ACAP2: variants seen among roughly 807,000 people sequenced by gnomAD.
The protein encoded by ACAP2 is arf-GAP with coiled-coil, ANK repeat and PH domain-containing protein 2.
ACAP2 carries 39 observed loss-of-function variants against 115.8 expected under a neutral mutation model. That is an observed-to-expected ratio of 0.34 (90% confidence interval 0.26 to 0.44). The LOEUF (loss-of-function observed/expected upper bound fraction) is 0.44, where lower values mean the gene tolerates loss of function less well. ACAP2 is among the 20% of genes least tolerant of loss of function. ACAP2 has a pLI of 1.00. For synonymous variants in ACAP2, 289 were observed against 315.8 expected (o/e 0.92, Z 0.90); for missense variants, 662 against 927.6 (o/e 0.71, Z 3.72).
At chr3:195,306,233 A>G (rs1427613148) in intron 13 of ACAP2, among the ~76,000 whole-genome samples, 1 of 152,194 alleles carries the variant, frequency 6.6e-6, no homozygotes, top group Non-Finnish European at 1.5e-5. Context: ...AAATGGCACA[A>G]TACTTTTGGG....
chr3:195,337,446 C>CT (rs11411412), intron 6 of ACAP2, among the ~76,000 whole-genome samples: 103,190 of 131,436 alleles, frequency 0.79, 41,051 homozygotes, highest in Middle Eastern at 0.86. Context: ...AACCAGTCAT[C>CT]TTTTTTTTTT....
chr3:195,299,645 T>C (rs1727898081), intron 15 of ACAP2, among the ~76,000 whole-genome samples: 1 of 151,982 alleles, frequency 6.6e-6, no homozygotes, highest in Non-Finnish European at 1.5e-5. Flanking sequence ...GAGACCAACC[T>C]GGCTAAGACG....
chr3:195,422,555 C>T (rs1442013211), intron 1 of ACAP2, among the ~76,000 whole-genome samples: 3 of 152,068 alleles, frequency 2.0e-5, no homozygotes, highest in Non-Finnish European at 4.4e-5. Context: ...TCGATCATAG[C>T]TCACTGCAGC....
chr3:195,396,007 T>C lies in ACAP2; in HGVS notation c.54-3860A>G, dbSNP rs1292058797. Among the ~76,000 whole-genome samples the C allele has an allele frequency of 2.6e-5, 4 of 152,040 alleles. No individual in the cohort carries two copies. The East Asian group carries it at 5.8e-4, about 22-fold the overall frequency. On this transcript the variant is annotated intron_variant, in intron 1 of 22. Transcript: ENST00000326793. Reference sequence around the variant, plus strand: ...GGCTCATGCCTGTAATCCCAGCACTTTGGGAGGCTGAAGTGGGTGGATCAC... The same window carrying C: ...GGCTCATGCCTGTAATCCCAGCACTCTGGGAGGCTGAAGTGGGTGGATCAC...
At chr3:195,442,717 G>A in intron 1 of ACAP2, 78 bp downstream of exon 1, 2 of 1,454,622 alleles carry the variant, frequency 1.4e-6, no homozygotes, top group Non-Finnish European at 1.8e-6. Flanking sequence ...GCCTCCTCCG[G>A]GTGCGCGGGC....
At chr3:195,416,294 C>CA (rs1225975258) in intron 1 of ACAP2, among the ~76,000 whole-genome samples, 4 of 150,298 alleles carry the variant, frequency 2.7e-5, no homozygotes, top group African/African-American at 9.8e-5. Flanking sequence ...TGCAGTGAGC[C>CA]AAGACTGCGC....
chr3:195,438,031 T>TTTC (rs1347026315), intron 1 of ACAP2, among the ~76,000 whole-genome samples: 28 of 85,296 alleles, frequency 3.3e-4, no homozygotes, highest in Admixed American at 4.7e-4. Context: ...AGAATTTTCT[T>TTTC]TTTTTTTTTT....
intron 20 of ACAP2, 32 bp from the exon 21 acceptor site, chr3:195,289,263 G>C (rs774216426): frequency 6.7e-7 from 1 of 1,489,694 alleles, no homozygotes; most frequent in East Asian, 2.3e-5. Context: ...TTGAGATATT[G>C]TCGATAAGAA....
At chr3:195,332,063 G>A (rs1380835451) in intron 8 of ACAP2, among the ~76,000 whole-genome samples, 4 of 151,424 alleles carry the variant, frequency 2.6e-5, no homozygotes, top group African/African-American at 9.7e-5. Flanking sequence ...GAACCTGGGA[G>A]GTGGAGCTTG....
chr3:195,360,033 C>T (rs1380789566), intron 4 of ACAP2, among the ~76,000 whole-genome samples: 2 of 152,116 alleles, frequency 1.3e-5, no homozygotes, highest in Non-Finnish European at 2.9e-5. Context: ...CCTTACTCAT[C>T]CATAACATTG....
chr3:195,367,323 C>T (rs1732796140), intron 4 of ACAP2, among the ~76,000 whole-genome samples: 1 of 152,172 alleles, frequency 6.6e-6, no homozygotes, highest in Admixed American at 6.5e-5. Context: ...TTATCTCAAA[C>T]TTTACTAGTG....
At chr3:195,377,152 T>TTTTTTTTTTTG in intron 4 of ACAP2, among the ~76,000 whole-genome samples, 1 of 143,178 alleles carries the variant, frequency 7.0e-6, no homozygotes, top group Non-Finnish European at 1.5e-5. Context: ...TTTTTTTTTT[T>TTTTTTTTTTTG]TTTTTTTTTG....
At chr3:195,351,685 G>C (rs1039462367) in intron 4 of ACAP2, among the ~76,000 whole-genome samples, 2 of 149,632 alleles carry the variant, frequency 1.3e-5, no homozygotes, top group Non-Finnish European at 3.0e-5. Flanking sequence ...AGGATGGTCT[G>C]GATCTCCTGA....
chr3:195,442,023 G>C (rs558869204), intron 1 of ACAP2: 2 of 152,420 alleles, frequency 1.3e-5, no homozygotes, highest in African/African-American at 2.4e-5. Context: ...CAATCTTCAC[G>C]GCCCTCCTAC....
rs112438677 is a variant in ACAP2 at position 195,302,899 on chromosome 3, A to G, written c.1117-725T>C. 4.1e-4 allele frequency among the ~76,000 whole-genome samples: 63 copies of G among 152,224 alleles called. No individual in the cohort carries two copies. In the Middle Eastern group the frequency reaches 0.017, roughly 41 times the overall value. On this transcript the variant is annotated intron_variant, in intron 13 of 22. Coordinates refer to ENST00000326793, the MANE Select transcript of ACAP2 (RefSeq NM_012287.6). Reference sequence around the variant, plus strand: ...CAGGTGTTCAAGATCAGCCTGGGCAACAGAGCAAGAGCCTGTCTCTAAAAA... The same window carrying G: ...CAGGTGTTCAAGATCAGCCTGGGCAGCAGAGCAAGAGCCTGTCTCTAAAAA...
intron 1 of ACAP2, among the ~76,000 whole-genome samples, chr3:195,425,502 TAA>T (rs1714617548): frequency 6.6e-6 from 1 of 152,128 alleles, no homozygotes; most frequent in Non-Finnish European, 1.5e-5. Context: ...AACAAAGGAA[TAA>T]AAAGACATGG....
At chr3:195,343,413 G>A (rs374870519) in intron 5 of ACAP2, among the ~76,000 whole-genome samples, 1 of 151,962 alleles carries the variant, frequency 6.6e-6, no homozygotes, top group Admixed American at 6.6e-5. Flanking sequence ...TTTAAGACAC[G>A]TCCTTGATTT....
rs1453447611 is a variant in ACAP2, at chr3:195,292,437, T to G, written c.1781A>C (p.Asp594Ala). ...TTTCGAGTCAAGAAACATAGAAGAATCTTGCCTTTCTCCTTCTGAAAAGCA... is the reference window on the plus strand; with the variant it reads ...TTTCGAGTCAAGAAACATAGAAGAAGCTTGCCTTTCTCCTTCTGAAAAGCA... Reference protein sequence around the residue: ...SLYEPEGERQDSSMFLDSKHL... With the variant: ...SLYEPEGERQASSMFLDSKHL... Residue 594 changes from aspartate to alanine, a missense_variant, in exon 19 of 23, where the codon GAT (aspartate) becomes GCT (alanine). Around this residue, in one of 3 missense-constraint regions of ACAP2, gnomAD observed 133 missense variants for 123.1 expected, o/e 1.08. Transcript: ENST00000326793. 1.2e-6 allele frequency: 2 copies of G among 1,604,754 alleles called. No individual in the cohort carries two copies. Among genetic ancestry groups the G allele is most frequent in the Non-Finnish European group, 8.5e-7 (1 of 1,177,528 alleles).
At chr3:195,403,386 GCTGTAAA>G (rs1560333702) in intron 1 of ACAP2, among the ~76,000 whole-genome samples, 1 of 152,204 alleles carries the variant, frequency 6.6e-6, no homozygotes, top group East Asian at 1.9e-4. Context: ...GAAGAACCAT[GCTGTAAA>G]GTATTTTGTC....
Sources: allele counts gnomAD v4.1 joint callset (sites outside exome capture counted in the v4.1 genomes callset), GRCh38; gene constraint gnomAD v4.1.1; regional missense constraint gnomAD v4.1.1; transcripts MANE v1.5; gene names NCBI Gene and HGNC (gene_info 2026-07-23, HGNC 2026-07-21).